Variants in ANKS1B observed in about 807,000 individuals in gnomAD.
The protein encoded by ANKS1B is ankyrin repeat and sterile alpha motif domain containing 1B.
In ANKS1B, 36 loss-of-function variants were observed where a neutral mutation model predicts 148.3. The observed-to-expected ratio is 0.24, with a 90% confidence interval of 0.19 to 0.32. The LOEUF (loss-of-function observed/expected upper bound fraction) is 0.32, where lower values mean the gene tolerates loss of function less well. ANKS1B is among the 10% of genes least tolerant of loss of function. The pLI is 1.00. For synonymous variants in ANKS1B, 542 were observed against 560.8 expected (o/e 0.97, Z 0.47); for missense variants, 1,157 against 1,542.6 (o/e 0.75, Z 4.19).
chr12:98,835,097 A>AATTATTATTATTATTATT (rs72558205), intron 17 of ANKS1B, among the ~76,000 whole-genome samples: 4 of 148,910 alleles, frequency 2.7e-5, no homozygotes, highest in South Asian at 2.1e-4. Context: ...ACATTTGCTT[A>AATTATTATTATTATTATT]ATTATTATTA....
At chr12:99,869,681 C>CAA (rs34916090) in intron 1 of ANKS1B, among the ~76,000 whole-genome samples, 6,509 of 123,446 alleles carry the variant, frequency 0.053, 464 homozygotes, top group African/African-American at 0.18. Context: ...AACTTTGTCT[C>CAA]AAAAAAAAAA....
intron 14 of ANKS1B, among the ~76,000 whole-genome samples, chr12:99,156,655 A>G (rs922366752): frequency 2.6e-5 from 4 of 152,136 alleles, no homozygotes; most frequent in Non-Finnish European, 5.9e-5. Context: ...TTGGCTTTGA[A>G]TCAGTTGCTA....
chr12:99,405,845 A>T (rs976305020), intron 11 of ANKS1B, among the ~76,000 whole-genome samples: 2 of 145,368 alleles, frequency 1.4e-5, no homozygotes, highest in African/African-American at 5.2e-5. Context: ...GGGATGGACA[A>T]AGATATTCCA....
chr12:98,973,271 A>C (rs949766156), intron 17 of ANKS1B, among the ~76,000 whole-genome samples: 12 of 152,176 alleles, frequency 7.9e-5, no homozygotes, highest in African/African-American at 2.9e-4. Flanking sequence ...TACTTGAGAC[A>C]TAACAAAATT....
chr12:99,487,618 G>GA (rs201420572), intron 10 of ANKS1B, among the ~76,000 whole-genome samples: 52 of 151,200 alleles, frequency 3.4e-4, no homozygotes, highest in African/African-American at 1.2e-3. Context: ...TTCAATATGG[G>GA]GGGGGGACAT....
intron 4 of ANKS1B, among the ~76,000 whole-genome samples, chr12:99,792,562 C>T (rs2065787883): frequency 6.6e-6 from 1 of 151,846 alleles, no homozygotes; most frequent in Non-Finnish European, 1.5e-5. Context: ...TCAACATATG[C>T]AAATCAATCA....
chr12:99,132,380 C>T (rs960080158), intron 15 of ANKS1B, among the ~76,000 whole-genome samples: 1 of 151,964 alleles, frequency 6.6e-6, no homozygotes, highest in Non-Finnish European at 1.5e-5. Flanking sequence ...GTGGCTCACA[C>T]CTGTAATCCC....
chr12:99,553,206 A>C (rs561783649), intron 9 of ANKS1B, among the ~76,000 whole-genome samples: 7 of 152,362 alleles, frequency 4.6e-5, no homozygotes, highest in African/African-American at 1.7e-4. Flanking sequence ...TACTAGGTAT[A>C]AAAATAATCA....
chr12:99,682,771 T>G (rs1260027758), intron 8 of ANKS1B, among the ~76,000 whole-genome samples: 3 of 151,992 alleles, frequency 2.0e-5, no homozygotes, highest in Admixed American at 6.6e-5. Context: ...TAGAACTAAT[T>G]GATATTGAAA....
At position 98,751,653 on chromosome 12, in the gene ANKS1B, G is replaced by T. The variant is rs147552668; in HGVS notation, c.3580-131C>A. The T allele has an allele frequency of 2.3e-6, 2 of 853,686 alleles. No individual in the cohort carries two copies. The highest frequency in any genetic ancestry group is 2.8e-4 in the Middle Eastern group (1 of 3,568). 52.9% of individuals were successfully genotyped at this position (853,686 alleles called of 1,614,324 possible). A position where few individuals can be genotyped will look rare whatever the true frequency, so the allele number is the denominator to read the frequency against. On this transcript the variant is annotated intron_variant, in intron 25 of 26. Transcript: ENST00000683438. The surrounding 1 kb of genome is among the most constrained non-coding windows in gnomAD (Gnocchi z 4.3). ...ACTTCACCAGAGGCAGCAGCGATTCGGTGGAAATCTACAAAGAACAGGACA... is the reference window on the plus strand; with the variant it reads ...ACTTCACCAGAGGCAGCAGCGATTCTGTGGAAATCTACAAAGAACAGGACA...
intron 17 of ANKS1B, among the ~76,000 whole-genome samples, chr12:98,862,529 G>A (rs1385818312): frequency 6.6e-6 from 1 of 152,066 alleles, no homozygotes; most frequent in Non-Finnish European, 1.5e-5. Context: ...ATGAGTAGCG[G>A]GGTCTCAGCT....
chr12:99,663,979 C>T (rs527742234), intron 8 of ANKS1B, among the ~76,000 whole-genome samples: 14 of 152,180 alleles, frequency 9.2e-5, no homozygotes, highest in Non-Finnish European at 1.5e-4. Context: ...TCAATTTGAA[C>T]GTTTTTATTA....
chr12:99,836,187 A>G (rs543937533), intron 1 of ANKS1B, among the ~76,000 whole-genome samples: 73 of 152,176 alleles, frequency 4.8e-4, no homozygotes, highest in Non-Finnish European at 9.3e-4. Flanking sequence ...TTTTGTAAAT[A>G]AAGTTTCATC....
In ANKS1B at chr12:99,682,908, G is replaced by A. The variant is rs117401256; in HGVS notation, c.1129-27698C>T. ...ATGCTGCTGATAAAGACATACCCGAGAATGGGTAATTTATTAAAAAATAAA... is the reference window on the plus strand; with the variant it reads ...ATGCTGCTGATAAAGACATACCCGAAAATGGGTAATTTATTAAAAAATAAA... On this transcript the variant is annotated intron_variant, in intron 8 of 26. Transcript: ENST00000683438. Among the ~76,000 whole-genome samples, 1,196 of 152,106 alleles carry A rather than the reference G, an allele frequency of 7.9e-3. 14 individuals are homozygous for A. The highest frequency in any genetic ancestry group is 8.8e-3 in the Non-Finnish European group (595 of 67,980).
chr12:99,408,999 C>A lies in ANKS1B; in HGVS notation c.1576-9188G>T, dbSNP rs183253233. ...ACTACCATATGATCCTGCAGTCACACTGCTAGGTATATTCCCAAAAGTATA... is the reference window on the plus strand; with the variant it reads ...ACTACCATATGATCCTGCAGTCACAATGCTAGGTATATTCCCAAAAGTATA... On this transcript the variant is annotated intron_variant, in intron 11 of 26. Transcript: ENST00000683438. Among the ~76,000 whole-genome samples the A allele has an allele frequency of 2.6e-5, 4 of 152,206 alleles. 1 individual carries two copies. The highest frequency in any genetic ancestry group is 9.6e-5 in the African/African-American group (4 of 41,556).
chr12:99,262,618 T>C, intron 12 of ANKS1B, among the ~76,000 whole-genome samples: 1 of 152,058 alleles, frequency 6.6e-6, no homozygotes, highest in East Asian at 1.9e-4. Flanking sequence ...TTTCTTTTGT[T>C]TTTTATGGAC....
intron 14 of ANKS1B, among the ~76,000 whole-genome samples, chr12:99,220,767 A>T (rs1566664240): frequency 6.6e-6 from 1 of 152,092 alleles, no homozygotes; most frequent in Non-Finnish European, 1.5e-5. Context: ...ATTTCTAATC[A>T]GTGAGGATGA....
intron 9 of ANKS1B, among the ~76,000 whole-genome samples, chr12:99,506,637 A>AG (rs1331139323): frequency 6.6e-6 from 1 of 151,946 alleles, no homozygotes; most frequent in Non-Finnish European, 1.5e-5. Context: ...TATCCCACAA[A>AG]GGGGGGATGG....
At chr12:98,866,550 T>G (rs2099625440) in intron 17 of ANKS1B, among the ~76,000 whole-genome samples, 1 of 152,176 alleles carries the variant, frequency 6.6e-6, no homozygotes, top group Admixed American at 6.5e-5. Flanking sequence ...TATCACAATA[T>G]CACCTCGCCC....
Sources: allele counts gnomAD v4.1 joint callset (sites outside exome capture counted in the v4.1 genomes callset), GRCh38; gene constraint gnomAD v4.1.1; non-coding constraint Gnocchi (gnomAD v3.1); transcripts MANE v1.5; gene names NCBI Gene and HGNC (gene_info 2026-07-23, HGNC 2026-07-21).